MED15: variants seen among roughly 807,000 people sequenced by gnomAD.
MED15 encodes the protein mediator of RNA polymerase II transcription subunit 15.
MED15 carries 41 observed loss-of-function variants against 118.7 expected under a neutral mutation model. The ratio of observed to expected loss-of-function variants is 0.35; its 90% CI spans 0.27 to 0.45. The LOEUF (loss-of-function observed/expected upper bound fraction) is 0.45. Among genes scored for constraint, MED15 ranks in the 20% least tolerant of loss-of-function variants. MED15 has a pLI of 1.00. For synonymous variants in MED15, 436 were observed against 413.9 expected (o/e 1.05, Z -0.65); for missense variants, 740 against 1,025.5 (o/e 0.72, Z 3.80).
chr22:20,527,533 C>T (rs1027369301), intron 1 of MED15, among the ~76,000 whole-genome samples: 1 of 151,930 alleles, frequency 6.6e-6, no homozygotes, highest in African/African-American at 2.4e-5. Context: ...CCTCGAACTC[C>T]TGGGCTCAAG....
At chr22:20,570,100 C>T (rs558812789) in intron 8 of MED15, among the ~76,000 whole-genome samples, 1 of 152,238 alleles carries the variant, frequency 6.6e-6, no homozygotes, top group Admixed American at 6.5e-5. Context: ...TCTTGGCTCA[C>T]TGCAACCTCT....
rs1157698438 is a variant in MED15 at position 20,583,408 on chromosome 22, C to T, written c.1736+15C>T. 6.2e-7 allele frequency: 1 copy of T among 1,611,524 alleles called. No homozygotes were observed. The highest frequency in any genetic ancestry group is 2.2e-4 in the Middle Eastern group (1 of 4,450). On this transcript the variant is annotated intron_variant, in intron 13 of 17. Transcript: ENST00000263205. ...CCCTCGAAGCGGTGAGCTTTGCCCACAGCCCACGGAGGGTCCACAAGGGCA... is the reference window on the plus strand; with the variant it reads ...CCCTCGAAGCGGTGAGCTTTGCCCATAGCCCACGGAGGGTCCACAAGGGCA...
At chr22:20,526,879 C>T (rs943113959) in intron 1 of MED15, among the ~76,000 whole-genome samples, 1 of 152,178 alleles carries the variant, frequency 6.6e-6, no homozygotes, top group Admixed American at 6.6e-5. Context: ...CCCTTGTTTT[C>T]TATATCCTGT....
intron 1 of MED15, among the ~76,000 whole-genome samples, chr22:20,527,545 G>A (rs1353588033): frequency 6.6e-6 from 1 of 151,798 alleles, no homozygotes; most frequent in Non-Finnish European, 1.5e-5. Flanking sequence ...GGGCTCAAGT[G>A]ATCCTCCCAC....
chr22:20,507,742 C>T lies in MED15; in HGVS notation c.64C>T (p.Gln22Ter). 1 of 1,614,050 alleles carries T rather than the reference C, an allele frequency of 6.2e-7. No individual in the cohort carries two copies. Among genetic ancestry groups the T allele is most frequent in the Non-Finnish European group, 8.5e-7 (1 of 1,179,928 alleles). ...STAFRQKLVS[Q>*]IEDAMRKAGV... is the part of the protein sequence containing the mutation. ...CGCCTTCCGGCAGAAGCTGGTCAGT[C>T]AAATGTGAGTAGTGGTCGGGGCAGG... Residue 22 changes from glutamine (Q) to a stop codon, truncating the protein, a stop_gained, in exon 1 of 18, where the codon CAA (glutamine) becomes TAA (stop). Transcript: ENST00000263205. LOFTEE classifies it high-confidence loss of function.
chr22:20,542,457 C>T (rs1169415223), intron 2 of MED15, among the ~76,000 whole-genome samples: 1 of 152,178 alleles, frequency 6.6e-6, no homozygotes, highest in African/African-American at 2.4e-5. Flanking sequence ...ATAAATGAAG[C>T]AGTCACAAAG....
chr22:20,532,147 G>T (rs1438753943), intron 1 of MED15, among the ~76,000 whole-genome samples: 1 of 152,222 alleles, frequency 6.6e-6, no homozygotes, highest in East Asian at 1.9e-4. Context: ...AGGGCGTGGG[G>T]GTAGGAATGG....
rs532033274 is a variant in MED15, at chr22:20,551,381, C to CCGATGACTG, written c.157-52_157-44dup. 1.3e-4 allele frequency: 206 copies of CCGATGACTG among 1,527,492 alleles called. 2 individuals are homozygous for CCGATGACTG. The East Asian group carries it at 4.3e-3, about 32-fold the overall frequency. The allele number at this position is 1,527,492 out of a possible 1,614,324, so 94.6% of individuals were successfully genotyped here. On this transcript the variant is annotated intron_variant, in intron 2 of 17. Transcript: ENST00000263205. ...AGGCGAGGGGGCGGGAAGGGGGAGT[C>CCGATGACTG]CGATGACTGCGCTTCTTCATCTGGT... is the stretch of plus-strand genomic sequence containing the variant.
At chr22:20,529,606 T>G (rs1181595464) in intron 1 of MED15, among the ~76,000 whole-genome samples, 2 of 151,964 alleles carry the variant, frequency 1.3e-5, no homozygotes, top group Non-Finnish European at 2.9e-5. Context: ...GTATTTTTAT[T>G]TTTTATTTTT....
intron 1 of MED15, among the ~76,000 whole-genome samples, chr22:20,535,538 G>A (rs1267166946): frequency 1.3e-5 from 2 of 151,660 alleles, no homozygotes; most frequent in African/African-American, 4.8e-5. Context: ...ATGTTTGCTT[G>A]TTTCTTTTTT....
chr22:20,550,307 T>C (rs1390314755), intron 2 of MED15, among the ~76,000 whole-genome samples: 1 of 152,214 alleles, frequency 6.6e-6, no homozygotes, highest in African/African-American at 2.4e-5. Flanking sequence ...TGTCCCCTTG[T>C]TCTGGCCAGG....
chr22:20,513,775 T>TA (rs2054160139), intron 1 of MED15, among the ~76,000 whole-genome samples: 1 of 152,178 alleles, frequency 6.6e-6, no homozygotes, highest in South Asian at 2.1e-4. Context: ...ATAAGGGTGA[T>TA]ACCCCAATAC....
At chr22:20,564,737 C>A in intron 6 of MED15, 49 bp downstream of exon 6, 1 of 1,608,688 alleles carries the variant, frequency 6.2e-7, no homozygotes, top group South Asian at 1.1e-5. Flanking sequence ...GCAGCGTGAG[C>A]CCTGGGCTGG....
At chr22:20,565,040 G>A (rs1450971045) in intron 6 of MED15, among the ~76,000 whole-genome samples, 1 of 152,216 alleles carries the variant, frequency 6.6e-6, no homozygotes, top group African/African-American at 2.4e-5. Flanking sequence ...CAGGAGAATC[G>A]CTAGAACCTG....
At position 20,586,725 on chromosome 22, in the gene MED15, CG is replaced by C. The variant is rs1569258228; in HGVS notation, c.*22del. On this transcript the variant is annotated 3_prime_UTR_variant, in exon 18 of 18. Coordinates refer to ENST00000263205, the MANE Select transcript of MED15 (RefSeq NM_001003891.3). ...CCTAGCCAAGACTGCAGGGATGGCCCGCAGCCTCATCGGGGCCAAGGACACA... is the reference window on the plus strand; with the variant it reads ...CCTAGCCAAGACTGCAGGGATGGCCCCAGCCTCATCGGGGCCAAGGACACA... The C allele has an allele frequency of 6.2e-7, 1 of 1,611,116 alleles. No homozygotes were observed. Among genetic ancestry groups the C allele is most frequent in the Non-Finnish European group, 8.5e-7 (1 of 1,179,638 alleles).
chr22:20,534,710 C>T (rs1225512289), intron 1 of MED15, among the ~76,000 whole-genome samples: 1 of 152,154 alleles, frequency 6.6e-6, no homozygotes, highest in African/African-American at 2.4e-5. Flanking sequence ...GGTGTGGAGA[C>T]CCTGCCCCAT....
intron 2 of MED15, chr22:20,550,923 G>T (rs1412849615): frequency 1.4e-5 from 5 of 351,086 alleles, no homozygotes; most frequent in Non-Finnish European, 2.8e-5. Flanking sequence ...GATTCTCCCG[G>T]AAAGCGCAGC....
At chr22:20,530,259 C>T (rs1252382842) in intron 1 of MED15, among the ~76,000 whole-genome samples, 1 of 152,174 alleles carries the variant, frequency 6.6e-6, no homozygotes, top group Non-Finnish European at 1.5e-5. Flanking sequence ...TGGGAGGCTT[C>T]TTGGGTGGGG....
rs138659107 is a variant in MED15 at position 20,585,182 on chromosome 22, G to A, written c.2046G>A (p.Val682=). Residue 682 remains valine, a synonymous_variant, in exon 16 of 18, where the codon GTG becomes GTA. Coordinates refer to ENST00000263205, the MANE Select transcript of MED15 (RefSeq NM_001003891.3). The stretch of plus-strand genomic sequence containing the variant: ...TCCCCAGTGTGCTCCAGGGTGAGGT[G>A]GCCAGGCTGGACCCCAAGTTCCTGG... ...QSIPSVLQGE[V]ARLDPKFLVN... The A allele has an allele frequency of 1.2e-6, 2 of 1,613,812 alleles. No individual in the cohort carries two copies. The highest frequency in any genetic ancestry group is 1.7e-6 in the Non-Finnish European group (2 of 1,180,020).
Sources: gnomAD v4.1 joint callset for allele counts (sites outside exome capture counted in the v4.1 genomes callset) on GRCh38, gnomAD v4.1.1 for gene constraint, MANE v1.5 for transcripts, NCBI Gene and HGNC (gene_info 2026-07-23, HGNC 2026-07-21) for gene names.